The following ARHGAP18 variants were observed in gnomAD, a reference collection of about 807,000 sequenced individuals.
The protein encoded by ARHGAP18 is Rho GTPase activating protein 18, also known as rho GTPase-activating protein 18.
ARHGAP18 carries 67 observed loss-of-function variants against 86.2 expected under a neutral mutation model. The ratio of observed to expected loss-of-function variants is 0.78; its 90% CI spans 0.64 to 0.95. ARHGAP18 has a LOEUF of 0.95. Among genes scored for constraint, ARHGAP18 ranks in the 40% least tolerant of loss-of-function variants. ARHGAP18 has a pLI of 0.00. For missense variants in ARHGAP18, 691 were observed against 780.4 expected, an observed-to-expected ratio of 0.89 and a Z score of 1.37; for synonymous variants, 283 against 280.4, an observed-to-expected ratio of 1.01 and a Z score of -0.09.
chr6:129,705,269 G>A (rs1016200209), intron 1 of ARHGAP18, among the ~76,000 whole-genome samples: 2 of 152,204 alleles, frequency 1.3e-5, no homozygotes, highest in African/African-American at 4.8e-5. Flanking sequence ...CAAGAACTGA[G>A]ATAAGCTTAT....
At chr6:129,693,401 CT>C in intron 1 of ARHGAP18, among the ~76,000 whole-genome samples, 1 of 152,320 alleles carries the variant, frequency 6.6e-6, no homozygotes, top group Middle Eastern at 3.4e-3. Context: ...TTCCGGAAGA[CT>C]TTTAATGCAT....
At chr6:129,621,164 A>G (rs1052735044) in intron 5 of ARHGAP18, among the ~76,000 whole-genome samples, 6 of 152,198 alleles carry the variant, frequency 3.9e-5, no homozygotes, top group Admixed American at 3.9e-4. Flanking sequence ...TAACCCACAT[A>G]AACAGAAGGT....
chr6:129,663,909 GTT>G (rs1773995591), intron 1 of ARHGAP18, among the ~76,000 whole-genome samples: 1 of 152,266 alleles, frequency 6.6e-6, no homozygotes, highest in Admixed American at 6.5e-5. Flanking sequence ...AGCCAGAAGT[GTT>G]TTGTTTGGCC....
intron 1 of ARHGAP18, among the ~76,000 whole-genome samples, chr6:129,708,085 A>C (rs1487705475): frequency 6.6e-6 from 1 of 152,156 alleles, no homozygotes; most frequent in Non-Finnish European, 1.5e-5. Context: ...TTTCAGGCTA[A>C]ACAGGGTATC....
chr6:129,676,467 G>A (rs1774232994), intron 1 of ARHGAP18, among the ~76,000 whole-genome samples: 1 of 152,126 alleles, frequency 6.6e-6, no homozygotes, highest in South Asian at 2.1e-4. Flanking sequence ...TCAACTGTAG[G>A]TGGTTTATGA....
At chr6:129,694,888 G>A (rs1774587732) in intron 1 of ARHGAP18, among the ~76,000 whole-genome samples, 1 of 152,112 alleles carries the variant, frequency 6.6e-6, no homozygotes, top group South Asian at 2.1e-4. Context: ...TCTTACTATG[G>A]AAATACATTC....
intron 12 of ARHGAP18, 108 bp downstream of exon 12, chr6:129,599,108 G>A: frequency 1.1e-6 from 1 of 914,282 alleles, no homozygotes; most frequent in Middle Eastern, 3.7e-4. Context: ...TAGCACCACA[G>A]CCTAATAAGT....
At chr6:129,669,332 A>T (rs1774101688) in intron 1 of ARHGAP18, among the ~76,000 whole-genome samples, 1 of 151,852 alleles carries the variant, frequency 6.6e-6, no homozygotes, top group African/African-American at 2.4e-5. Flanking sequence ...CCACCATGCC[A>T]GGCTAATTTT....
chr6:129,588,924 G>A (rs1302773689), intron 12 of ARHGAP18, among the ~76,000 whole-genome samples: 4 of 152,202 alleles, frequency 2.6e-5, no homozygotes, highest in African/African-American at 9.6e-5. Context: ...CTGAAGTAAT[G>A]GCCCGAGCTG....
At chr6:129,646,288 C>T (rs1562708933) in intron 1 of ARHGAP18, among the ~76,000 whole-genome samples, 1 of 152,126 alleles carries the variant, frequency 6.6e-6, no homozygotes, top group Non-Finnish European at 1.5e-5. Context: ...TAACAATGGC[C>T]TTGCTTGCTT....
chr6:129,707,115 C>T (rs11154492), intron 1 of ARHGAP18, among the ~76,000 whole-genome samples: 27,309 of 151,364 alleles, frequency 0.18, 2,688 homozygotes, highest in Non-Finnish European at 0.22. Context: ...TGCCTGTGGT[C>T]CCAGCTACTA....
intron 7 of ARHGAP18, among the ~76,000 whole-genome samples, chr6:129,612,093 G>GA: frequency 6.6e-6 from 1 of 152,282 alleles, no homozygotes; most frequent in East Asian, 1.9e-4. Context: ...GTTAAACAAA[G>GA]AAAAATGTCC....
At chr6:129,697,409 T>TA (rs1774637186) in intron 1 of ARHGAP18, among the ~76,000 whole-genome samples, 1 of 151,744 alleles carries the variant, frequency 6.6e-6, no homozygotes, top group Non-Finnish European at 1.5e-5. Context: ...CACACACTGG[T>TA]AGTGCCTGGG....
intron 1 of ARHGAP18, among the ~76,000 whole-genome samples, chr6:129,696,249 C>T (rs1774614845): frequency 6.6e-6 from 1 of 152,174 alleles, no homozygotes; most frequent in African/African-American, 2.4e-5. Flanking sequence ...CAAACAAGGG[C>T]CTTTGGCAAC....
intron 1 of ARHGAP18, 52 bp downstream of exon 1, chr6:129,709,972 T>A: frequency 6.9e-7 from 1 of 1,448,576 alleles, no homozygotes; most frequent in Non-Finnish European, 9.7e-7. Flanking sequence ...GTCACTTTCT[T>A]CCTGGAGCAG....
At chr6:129,613,156 C>G (rs1789017066) in intron 7 of ARHGAP18, among the ~76,000 whole-genome samples, 1 of 151,366 alleles carries the variant, frequency 6.6e-6, no homozygotes, top group Non-Finnish European at 1.5e-5. Flanking sequence ...TGGTGTGAAC[C>G]CCAGAGGCGG....
intron 7 of ARHGAP18, among the ~76,000 whole-genome samples, chr6:129,615,080 C>T (rs1039424300): frequency 6.6e-6 from 1 of 152,142 alleles, no homozygotes; most frequent in Non-Finnish European, 1.5e-5. Flanking sequence ...TAAATATATC[C>T]TATTGCTTCT....
At chr6:129,677,511 A>G (rs1774257351) in intron 1 of ARHGAP18, among the ~76,000 whole-genome samples, 1 of 152,280 alleles carries the variant, frequency 6.6e-6, no homozygotes, top group South Asian at 2.1e-4. Flanking sequence ...AGTTTGGTGC[A>G]CTCTCACTTT....
intron 1 of ARHGAP18, among the ~76,000 whole-genome samples, chr6:129,642,368 C>A (rs1773486852): frequency 6.6e-6 from 1 of 152,124 alleles, no homozygotes; most frequent in African/African-American, 2.4e-5. Context: ...CACTTTAATT[C>A]CAAATTACTG....
Sources: gnomAD v4.1 joint callset for allele counts (sites outside exome capture counted in the v4.1 genomes callset) on GRCh38, gnomAD v4.1.1 for gene constraint, MANE v1.5 for transcripts, NCBI Gene and HGNC (gene_info 2026-07-23, HGNC 2026-07-21) for gene names.